ARFRP1: variants seen among roughly 807,000 people sequenced by gnomAD.
ARFRP1 encodes the protein ADP-ribosylation factor-related protein 1.
Under a neutral mutation model 30.3 loss-of-function variants are expected in ARFRP1, and 19 were observed. The observed-to-expected ratio is 0.63, with a 90% CI of 0.44 to 0.92. The LOEUF is 0.92. ARFRP1 is among the 40% of genes least tolerant of loss of function. ARFRP1 has a pLI of 0.00. For synonymous variants in ARFRP1, 133 were observed against 114.2 expected, an observed-to-expected ratio of 1.16 and a Z score of -1.05; for missense variants, 245 against 267.5, an observed-to-expected ratio of 0.92 and a Z score of 0.59.
At chr20:63,702,013 G>A (rs926583831) in intron 5 of ARFRP1, 113 bp from the exon 6 acceptor site, 68 of 213,456 alleles carry the variant, frequency 3.2e-4, no homozygotes, top group Middle Eastern at 1.4e-3. Context: ...CCCCCCCCCC[G>A]TCACCCACTA....
intron 4 of ARFRP1, chr20:63,705,600 G>A (rs779263011): frequency 3.8e-6 from 2 of 521,306 alleles, no homozygotes. Flanking sequence ...TGGTGATCAT[G>A]GAAGAACAAA....
In ARFRP1 at chr20:63,698,811, C is replaced by T; in HGVS notation, c.*1632G>A. 1 of 400,948 alleles carries T rather than the reference C, an allele frequency of 2.5e-6. No individual in the cohort carries two copies. The highest frequency in any genetic ancestry group is 4.5e-5 in the Admixed American group (1 of 22,278). The allele number at this position is 400,948 out of a possible 1,614,324, so 24.8% of individuals were successfully genotyped here. A position where few individuals can be genotyped will look rare whatever the true frequency, so the allele number is the denominator to read the frequency against. On this transcript the variant is annotated 3_prime_UTR_variant, in exon 8 of 8. Transcript: ENST00000622789. ...GGGCTTCCCCTACCTCAGACAGACC[C>T]TCCCTGGGAGGATCAGTGGGGAGTG... is the stretch of plus-strand genomic sequence containing the variant.
At position 63,700,231 on chromosome 20, in the gene ARFRP1, G is replaced by C. The variant is rs2091130341; in HGVS notation, c.*212C>G. On this transcript the variant is annotated 3_prime_UTR_variant, in exon 8 of 8. Coordinates refer to ENST00000622789, the MANE Select transcript of ARFRP1 (RefSeq NM_001267547.3). ...TGGAAAGGCTGCCGCTGCAGGGCCT[G>C]GGCCAGCCGGGCTGCCAGACTCCCC... 1 of 690,526 alleles carries C rather than the reference G, an allele frequency of 1.4e-6. No individual in the cohort carries two copies. Among genetic ancestry groups the C allele is most frequent in the South Asian group, 1.9e-5 (1 of 53,526 alleles). The allele number at this position is 690,526 out of a possible 1,614,324, so 42.8% of individuals were successfully genotyped here. A position where few individuals can be genotyped will look rare whatever the true frequency, so the allele number is the denominator to read the frequency against.
At chr20:63,705,278 G>C (rs1436840932) in intron 4 of ARFRP1, 1 of 162,366 alleles carries the variant, frequency 6.2e-6, no homozygotes, top group Non-Finnish European at 1.4e-5. Context: ...GGACACTTTG[G>C]GGGCGCCTAG....
intron 6 of ARFRP1, chr20:63,701,605 C>T (rs1217929726): frequency 1.7e-6 from 1 of 596,022 alleles, no homozygotes; most frequent in Non-Finnish European, 3.0e-6. Flanking sequence ...GAAGAGGCCT[C>T]TGGGCGCCTG....
chr20:63,704,443 C>T (rs1162851336), intron 4 of ARFRP1: 1 of 152,238 alleles, frequency 6.6e-6, no homozygotes, highest in Non-Finnish European at 1.5e-5. Flanking sequence ...TGCCATCCCA[C>T]AGCTGTCCCA....
At chr20:63,706,540 A>C in intron 3 of ARFRP1, 101 bp from the exon 4 acceptor site, 1 of 1,526,072 alleles carries the variant, frequency 6.6e-7, no homozygotes, top group Non-Finnish European at 9.1e-7. Context: ...GGTGCCACTC[A>C]AATGAGACTT....
chr20:63,700,594 C>G lies in ARFRP1; in HGVS notation c.518+8G>C, dbSNP rs555052878. 27 of 1,610,584 alleles carry G rather than the reference C, an allele frequency of 1.7e-5. No individual in the cohort carries two copies. The highest frequency in any genetic ancestry group is 2.1e-4 in the Middle Eastern group (1 of 4,706). ...CCCAAAGCCCCCGCAGGTGCAGCCC[C>G]CACTCACCCTGTGAGGGCCGAGCAG... is the stretch of plus-strand genomic sequence containing the variant. On this transcript the variant is annotated splice_region_variant and intron_variant, in intron 7 of 7. Transcript: ENST00000622789.
intron 6 of ARFRP1, chr20:63,701,340 G>A (rs1375938149): frequency 1.9e-6 from 1 of 535,408 alleles, no homozygotes; most frequent in African/African-American, 1.9e-5. Context: ...CAAGAGAACA[G>A]CTAGAACTCA....
At chr20:63,700,745 C>T (rs1358547504) in intron 6 of ARFRP1, 43 bp from the exon 7 acceptor site, 5 of 1,595,454 alleles carry the variant, frequency 3.1e-6, no homozygotes, top group African/African-American at 2.7e-5. Context: ...CACGTCTGGC[C>T]CTGTCCTGCC....
At chr20:63,701,634 T>A in intron 6 of ARFRP1, 196 bp downstream of exon 6, 1 of 608,624 alleles carries the variant, frequency 1.6e-6, no homozygotes, top group Non-Finnish European at 2.9e-6. Flanking sequence ...TGGGAGAACC[T>A]CCAGGGCTGG....
At chr20:63,706,246 C>T (rs762812649) in intron 4 of ARFRP1, 111 bp downstream of exon 4, 153 of 1,015,686 alleles carry the variant, frequency 1.5e-4, no homozygotes, top group Admixed American at 2.5e-4. Flanking sequence ...AGAGAAAACC[C>T]GAGGGACAGA....
In ARFRP1 at chr20:63,700,635, T is replaced by C; in HGVS notation, c.485A>G (p.Asp162Gly). Reference protein sequence around the residue: ...SDCTSKIGRRDCLTQACSALT... With the variant: ...SDCTSKIGRRGCLTQACSALT... ...GGCCGAGCAGGCCTGGGTCAGGCAA[T>C]CTCGCCTGCCGATCTTGCTGGTGCA... Residue 162 changes from aspartate (D) to glycine (G), a missense_variant, in exon 7 of 8, where the codon GAT becomes GGT. Asp to Gly is a moderately conservative substitution (Grantham distance 94). Coordinates refer to ENST00000622789, the MANE Select transcript of ARFRP1 (RefSeq NM_001267547.3). The C allele has an allele frequency of 6.2e-7, 1 of 1,610,714 alleles. No homozygotes were observed. The highest frequency in any genetic ancestry group is 8.5e-7 in the Non-Finnish European group (1 of 1,179,828).
At chr20:63,701,997 T>TGC in intron 5 of ARFRP1, 97 bp from the exon 6 acceptor site, 2 of 684,610 alleles carry the variant, frequency 2.9e-6, no homozygotes, top group South Asian at 1.9e-5. Context: ...CCACTCCCTC[T>TGC]GCCCCCCCCC....
intron 1 of ARFRP1, 86 bp from the exon 2 acceptor site, chr20:63,707,183 G>A (rs2091522904): frequency 4.2e-6 from 5 of 1,194,058 alleles, no homozygotes; most frequent in Non-Finnish European, 5.9e-6. Flanking sequence ...GGCGCCCCAC[G>A]TCCAGCCGAC....
chr20:63,702,575 C>T (rs1483319036), intron 4 of ARFRP1: 1 of 310,862 alleles, frequency 3.2e-6, no homozygotes, highest in African/African-American at 2.2e-5. Context: ...CACAGTGAGA[C>T]TCCGTCTGTA....
intron 4 of ARFRP1, chr20:63,702,769 A>T (rs2091275009): frequency 6.4e-6 from 1 of 156,432 alleles, no homozygotes; most frequent in Non-Finnish European, 1.4e-5. Flanking sequence ...GGAGGAACCT[A>T]GACCACAGCC....
intron 1 of ARFRP1, 56 bp from the exon 2 acceptor site, chr20:63,707,153 G>A (rs2091520416): frequency 6.7e-7 from 1 of 1,489,218 alleles, no homozygotes; most frequent in Non-Finnish European, 9.1e-7. Context: ...CCTCCCCCGG[G>A]CTTCTCCACG....
chr20:63,700,361 C>G lies in ARFRP1; in HGVS notation c.*82G>C, dbSNP rs1488046329. On this transcript the variant is annotated 3_prime_UTR_variant, in exon 8 of 8. Coordinates refer to ENST00000622789, the MANE Select transcript of ARFRP1 (RefSeq NM_001267547.3). ...CCCAAAGCAAAGCAAACCCACCCCC[C>G]AGATCAGCAGCATGGGAGCCAACAG... is the stretch of plus-strand genomic sequence containing the variant. 2.5e-6 allele frequency: 4 copies of G among 1,577,962 alleles called. No homozygotes were observed. The highest frequency in any genetic ancestry group is 2.3e-5 in the East Asian group (1 of 44,322).
Sources: allele counts gnomAD v4.1 joint callset, GRCh38; gene constraint gnomAD v4.1.1; transcripts MANE v1.5; gene names NCBI Gene and HGNC (gene_info 2026-07-23, HGNC 2026-07-21).